The following FAM135B variants were observed in gnomAD, a reference collection of about 807,000 sequenced individuals.
The protein encoded by FAM135B is protein FAM135B.
In FAM135B, 43 loss-of-function variants were observed where a neutral mutation model predicts 127.7. The observed-to-expected ratio is 0.34, with a 90% CI of 0.26 to 0.43. The LOEUF is 0.43. Ranked by LOEUF, FAM135B falls within the 20% of genes least tolerant of loss-of-function variation. The probability of loss-of-function intolerance (pLI) is 1.00; values close to 1 mark genes in which losing one functional copy is unlikely to be tolerated. For missense variants in FAM135B, 1,558 were observed against 1,725.6 expected (o/e 0.90, Z 1.72); for synonymous variants, 670 against 665.1 (o/e 1.01, Z -0.11).
At chr8:138,159,447 C>T (rs1288256973) in intron 12 of FAM135B, among the ~76,000 whole-genome samples, 1 of 150,788 alleles carries the variant, frequency 6.6e-6, no homozygotes, top group Non-Finnish European at 1.5e-5. Flanking sequence ...AATTCATGTC[C>T]TTTGTAGGGA....
At chr8:138,331,991 T>C (rs1287933225) in intron 2 of FAM135B, among the ~76,000 whole-genome samples, 1 of 152,148 alleles carries the variant, frequency 6.6e-6, no homozygotes, top group Non-Finnish European at 1.5e-5. Flanking sequence ...CAGGACTCTC[T>C]GAGTAAATTC....
chr8:138,368,963 T>C (rs887679149), intron 1 of FAM135B, among the ~76,000 whole-genome samples: 1 of 152,158 alleles, frequency 6.6e-6, no homozygotes. Context: ...AACAAGAATT[T>C]TGTATTATTC....
chr8:138,320,374 C>G (rs1827369314), intron 2 of FAM135B, among the ~76,000 whole-genome samples: 1 of 152,138 alleles, frequency 6.6e-6, no homozygotes, highest in Non-Finnish European at 1.5e-5. Context: ...AATGCAGGGC[C>G]ATTTGGCTAG....
intron 4 of FAM135B, among the ~76,000 whole-genome samples, chr8:138,263,658 T>C (rs539004374): frequency 1.6e-4 from 24 of 152,318 alleles, no homozygotes; most frequent in Admixed American, 2.6e-4. Flanking sequence ...TCTTGAGGTA[T>C]TGAAGCAGGC....
intron 3 of FAM135B, among the ~76,000 whole-genome samples, chr8:138,295,210 A>AG (rs1563867097): frequency 7.0e-6 from 1 of 143,868 alleles, no homozygotes; most frequent in Non-Finnish European, 1.5e-5. Flanking sequence ...ACTCCTACTG[A>AG]GGGGCAGATT....
At chr8:138,208,001 C>G (rs967498589) in intron 7 of FAM135B, among the ~76,000 whole-genome samples, 29 of 152,172 alleles carry the variant, frequency 1.9e-4, no homozygotes, top group African/African-American at 7.0e-4. Flanking sequence ...TGGTTCAGCA[C>G]TCATTTGGGG....
At chr8:138,140,663 A>G (rs1817059028) in intron 17 of FAM135B, among the ~76,000 whole-genome samples, 1 of 151,912 alleles carries the variant, frequency 6.6e-6, no homozygotes, top group Non-Finnish European at 1.5e-5. Flanking sequence ...ATATGCACAT[A>G]TGCACCTACA....
chr8:138,355,180 A>G lies in FAM135B; in HGVS notation c.77+12727T>C, dbSNP rs139021502. Among the ~76,000 whole-genome samples the G allele has an allele frequency of 6.4e-4, 98 of 152,292 alleles. 1 individual carries two copies. In the Middle Eastern group the frequency reaches 0.01, roughly 16 times the overall value. On this transcript the variant is annotated intron_variant, in intron 2 of 19. Transcript: ENST00000395297. The stretch of plus-strand genomic sequence containing the variant: ...ATGTAGCGATTCCTCAGAGATCTAG[A>G]ACTAGAAATACCATTTGACCCAGCC...
chr8:138,325,696 C>T (rs1827757818), intron 2 of FAM135B, among the ~76,000 whole-genome samples: 1 of 152,156 alleles, frequency 6.6e-6, no homozygotes, highest in Admixed American at 6.5e-5. Context: ...AACAGAATGG[C>T]TATAACTTCT....
chr8:138,240,606 G>A (rs1464630018), intron 7 of FAM135B, among the ~76,000 whole-genome samples: 1 of 152,184 alleles, frequency 6.6e-6, no homozygotes, highest in East Asian at 1.9e-4. Context: ...CCTAGGGATG[G>A]GGAGCTGAAT....
chr8:138,178,213 A>G lies in FAM135B; in HGVS notation c.1029+322T>C, dbSNP rs73423923. Among the ~76,000 whole-genome samples the G allele has an allele frequency of 9.7e-3, 1,472 of 151,486 alleles. 22 individuals carry two copies. The highest frequency in any genetic ancestry group is 0.034 in the African/African-American group (1,421 of 41,208). ...CAGTGAGCGGAGATTGCACCACTGC[A>G]CTCCAGTCTGGGTGACAGAGCGAGA... On this transcript the variant is annotated intron_variant, in intron 10 of 19. Coordinates refer to ENST00000395297, the MANE Select transcript of FAM135B (RefSeq NM_015912.4).
intron 9 of FAM135B, among the ~76,000 whole-genome samples, chr8:138,178,961 A>T (rs1814744278): frequency 6.6e-6 from 1 of 152,180 alleles, no homozygotes; most frequent in South Asian, 2.1e-4. Context: ...AGCAGGCAAG[A>T]TTGCCCACTA....
intron 1 of FAM135B, among the ~76,000 whole-genome samples, chr8:138,378,963 C>A (rs1190636953): frequency 6.6e-6 from 1 of 152,184 alleles, no homozygotes; most frequent in Non-Finnish European, 1.5e-5. Flanking sequence ...GAGCAGCAGC[C>A]AATGCCATCA....
intron 2 of FAM135B, among the ~76,000 whole-genome samples, chr8:138,319,302 T>C (rs1036172813): frequency 4.6e-5 from 7 of 152,166 alleles, no homozygotes; most frequent in Admixed American, 4.6e-4. Flanking sequence ...AGACGGGGTT[T>C]CACCATGTTG....
chr8:138,331,266 A>G (rs1220552139), intron 2 of FAM135B, among the ~76,000 whole-genome samples: 1 of 152,168 alleles, frequency 6.6e-6, no homozygotes, highest in Non-Finnish European at 1.5e-5. Flanking sequence ...TTGGGTGTGT[A>G]TTTCGTCATC....
Position 138,178,629 on chromosome 8 carries a change from G to T in FAM135B, c.935C>A (p.Ser312Tyr), listed in dbSNP as rs2130982119. The change falls in exon 10 of 20, where the codon TCC (serine) becomes TAC (tyrosine). Residue 312 changes from serine (S) to tyrosine (Y), a missense_variant. Physicochemically the swap from Ser to Tyr is moderately radical, Grantham distance 144. This residue lies in a region of FAM135B where 115 missense variants were observed against 171.1 expected (regional missense o/e 0.67). Transcript: ENST00000395297. ...QISKDLAWLT[S>Y]HMMTLWTQFL... is the part of the protein sequence containing the mutation. Reference sequence around the variant, plus strand: ...CTGGGTCCACAGAGTCATCATGTGGGACGTGAGCCAGGCCAGATCCTTGCT... The same window carrying T: ...CTGGGTCCACAGAGTCATCATGTGGTACGTGAGCCAGGCCAGATCCTTGCT... The T allele has an allele frequency of 6.2e-7, 1 of 1,614,082 alleles. No individual in the cohort carries two copies. The highest frequency in any genetic ancestry group is 8.5e-7 in the Non-Finnish European group (1 of 1,179,996).
intron 6 of FAM135B, among the ~76,000 whole-genome samples, chr8:138,249,271 TG>T (rs1291849373): frequency 1.3e-5 from 2 of 152,242 alleles, no homozygotes; most frequent in Non-Finnish European, 2.9e-5. Context: ...TGTTGCTTTC[TG>T]GATTCTATGT....
intron 7 of FAM135B, among the ~76,000 whole-genome samples, chr8:138,237,459 C>G (rs73434941): frequency 0.027 from 4,124 of 152,230 alleles, 176 homozygotes; most frequent in African/African-American, 0.093. Context: ...CAGTGCCCAG[C>G]CTGAATCCTT....
At chr8:138,201,891 C>T (rs967634831) in intron 7 of FAM135B, among the ~76,000 whole-genome samples, 12 of 151,940 alleles carry the variant, frequency 7.9e-5, no homozygotes, top group South Asian at 2.1e-4. Flanking sequence ...TTTGGGAGGC[C>T]GAGGCGGGCA....
Sources: allele counts gnomAD v4.1 joint callset (sites outside exome capture counted in the v4.1 genomes callset), GRCh38; gene constraint gnomAD v4.1.1; regional missense constraint gnomAD v4.1.1; transcripts MANE v1.5; gene names NCBI Gene and HGNC (gene_info 2026-07-23, HGNC 2026-07-21).